MAST2: variants seen among roughly 807,000 people sequenced by gnomAD.
MAST2 encodes the protein microtubule-associated serine/threonine-protein kinase 2.
A neutral mutation model predicts 147.4 loss-of-function variants in MAST2; 70 were observed. The observed-to-expected ratio is 0.47, with a 90% CI of 0.39 to 0.58. The LOEUF is 0.58. Among genes scored for constraint, MAST2 ranks in the 20% least tolerant of loss-of-function variants. The pLI, the probability that MAST2 is intolerant of heterozygous loss-of-function variation, is 0.00. For synonymous variants in MAST2, 869 were observed against 896.8 expected (o/e 0.97, Z 0.55); for missense variants, 2,080 against 2,302.3 (o/e 0.90, Z 1.98).
At chr1:45,924,826 G>GATTAGGACAC (rs988875551) in intron 4 of MAST2, among the ~76,000 whole-genome samples, 3 of 152,116 alleles carry the variant, frequency 2.0e-5, no homozygotes, top group Non-Finnish European at 4.4e-5. Flanking sequence ...GAGAAGAGGG[G>GATTAGGACAC]ATTAGGACAC....
At chr1:45,859,933 G>A (rs1311027196) in intron 3 of MAST2, among the ~76,000 whole-genome samples, 1 of 152,114 alleles carries the variant, frequency 6.6e-6, no homozygotes, top group Non-Finnish European at 1.5e-5. Flanking sequence ...AAAGCTGAAT[G>A]TTCTAGTCGG....
chr1:45,817,307 T>C (rs1644486715), intron 1 of MAST2, among the ~76,000 whole-genome samples: 1 of 152,018 alleles, frequency 6.6e-6, no homozygotes, highest in Admixed American at 6.6e-5. Context: ...AGGTAAAAGA[T>C]GAAGGATCCT....
At chr1:45,839,094 C>T (rs1645192981) in intron 3 of MAST2, among the ~76,000 whole-genome samples, 1 of 151,072 alleles carries the variant, frequency 6.6e-6, no homozygotes, top group Non-Finnish European at 1.5e-5. Context: ...CCATGTCAGC[C>T]TCCCAAGTGG....
intron 8 of MAST2, among the ~76,000 whole-genome samples, chr1:46,007,484 A>T (rs1439070805): frequency 6.6e-6 from 1 of 152,222 alleles, no homozygotes; most frequent in Non-Finnish European, 1.5e-5. Context: ...AGTGATGCTC[A>T]GAGAAATCCA....
chr1:45,893,118 A>G (rs972901255), intron 4 of MAST2, among the ~76,000 whole-genome samples: 1 of 152,224 alleles, frequency 6.6e-6, no homozygotes, highest in African/African-American at 2.4e-5. Flanking sequence ...ATATTTTTAT[A>G]AAACTCCACT....
At chr1:45,804,583 A>T (rs1213712669) in intron 1 of MAST2, among the ~76,000 whole-genome samples, 2 of 152,272 alleles carry the variant, frequency 1.3e-5, no homozygotes, top group East Asian at 3.9e-4. Context: ...CCAACCATCT[A>T]TTTCACAAGA....
At chr1:45,980,251 G>C (rs1391596798) in intron 5 of MAST2, among the ~76,000 whole-genome samples, 1 of 125,564 alleles carries the variant, frequency 8.0e-6, no homozygotes, top group African/African-American at 3.1e-5. Context: ...CTCCAGCCTG[G>C]GCAACAGAGT....
rs60802520 is a variant in MAST2, at chr1:45,975,495, C to CAAAAA, written c.592+16040_592+16044dup. On this transcript the variant is annotated intron_variant, in intron 5 of 28. Transcript: ENST00000361297. ...GCAATATAGTGAGTCCCTGTCTCTCCAAAAAAAAAAAAAAAAAAAAAAAAA... is the reference window on the plus strand; with the variant it reads ...GCAATATAGTGAGTCCCTGTCTCTCCAAAAAAAAAAAAAAAAAAAAAAAAAAAAAA... Among the ~76,000 whole-genome samples the CAAAAA allele has an allele frequency of 1.6e-3, 66 of 40,428 alleles. 30 individuals are homozygous for CAAAAA. The highest frequency in any genetic ancestry group is 3.4e-3 in the African/African-American group (35 of 10,260). 26.5% of individuals were successfully genotyped at this position (40,428 alleles called of 152,430 possible). A position where few individuals can be genotyped will look rare whatever the true frequency, so the allele number is the denominator to read the frequency against.
chr1:45,884,853 C>A (rs1647013572), intron 4 of MAST2, among the ~76,000 whole-genome samples: 1 of 152,098 alleles, frequency 6.6e-6, no homozygotes, highest in African/African-American at 2.4e-5. Context: ...ACCTGAATTG[C>A]CATACTTGTA....
intron 5 of MAST2, among the ~76,000 whole-genome samples, chr1:45,979,395 T>A (rs529716717): frequency 6.6e-6 from 1 of 151,616 alleles, no homozygotes; most frequent in East Asian, 2.0e-4. Context: ...AAAAGCCTGC[T>A]TGCTAGGCTG....
chr1:45,909,237 A>G (rs923765700), intron 4 of MAST2, among the ~76,000 whole-genome samples: 1 of 152,192 alleles, frequency 6.6e-6, no homozygotes, highest in Admixed American at 6.5e-5. Context: ...ATTTACTTAA[A>G]AAAGTTAGGT....
chr1:45,821,164 T>G (rs552578875), intron 1 of MAST2, among the ~76,000 whole-genome samples: 1 of 151,962 alleles, frequency 6.6e-6, no homozygotes, highest in Admixed American at 6.6e-5. Context: ...CCTCCCAGAG[T>G]GTTGGGATTA....
intron 4 of MAST2, among the ~76,000 whole-genome samples, chr1:45,923,900 C>T (rs535750023): frequency 6.6e-6 from 1 of 152,232 alleles, no homozygotes; most frequent in African/African-American, 2.4e-5. Context: ...GAGACAAGTT[C>T]TCACTCTGTC....
chr1:45,823,996 T>C (rs1644715662), intron 1 of MAST2, among the ~76,000 whole-genome samples: 1 of 152,222 alleles, frequency 6.6e-6, no homozygotes, highest in African/African-American at 2.4e-5. Context: ...CTAATATTAA[T>C]TTTAGCATTA....
In MAST2 at chr1:46,019,657, T is replaced by C. The variant is rs1319343500; in HGVS notation, c.1250T>C (p.Met417Thr). The change falls in exon 11 of 29, where the codon ATG becomes ACG. Residue 417 changes from methionine (M) to threonine (T), a missense_variant. Transcript: ENST00000361297. ...GTGATGCAGCTGGTGAAAAAGCTGA[T>C]GATTATCATTGCCCGCCCAGCACGT... ...AFVMQLVKKL[M>T]IIIARPARLL... 6.2e-7 allele frequency: 1 copy of C among 1,614,148 alleles called. No homozygotes were observed. Among genetic ancestry groups the C allele is most frequent in the East Asian group, 2.2e-5 (1 of 44,876 alleles).
intron 4 of MAST2, among the ~76,000 whole-genome samples, chr1:45,948,729 A>C (rs1339602584): frequency 6.7e-6 from 1 of 150,364 alleles, no homozygotes; most frequent in Admixed American, 6.6e-5. Context: ...AAAAAAAAAA[A>C]AAAAGTCATA....
rs192584048 is a variant in MAST2 at position 45,885,631 on chromosome 1, A to C, written c.500+3236A>C. Among the ~76,000 whole-genome samples the C allele has an allele frequency of 5.0e-4, 76 of 152,302 alleles. 2 individuals are homozygous for C. Among genetic ancestry groups the C allele is most frequent in the African/African-American group, 1.8e-3 (75 of 41,568 alleles). ...TGTGGGTTTCAGTCACGGCACTATT[A>C]CTTACTAGATGTTTTTTGGTAAAAT... On this transcript the variant is annotated intron_variant, in intron 4 of 28. Transcript: ENST00000361297.
At chr1:45,917,234 C>G in intron 4 of MAST2, 1 of 621,942 alleles carries the variant, frequency 1.6e-6, no homozygotes, top group South Asian at 1.9e-5. Context: ...TGACCACTTA[C>G]TTTTCTTGAG....
chr1:45,855,237 G>T (rs1278486250), intron 3 of MAST2, among the ~76,000 whole-genome samples: 10 of 152,042 alleles, frequency 6.6e-5, no homozygotes, highest in African/African-American at 2.4e-4. Flanking sequence ...AATTCTAATG[G>T]ATTGGGAGCT....
Sources: gnomAD v4.1 joint callset for allele counts (sites outside exome capture counted in the v4.1 genomes callset) on GRCh38, gnomAD v4.1.1 for gene constraint, MANE v1.5 for transcripts, NCBI Gene and HGNC (gene_info 2026-07-23, HGNC 2026-07-21) for gene names.